Variants in IL33 observed in about 807,000 individuals in gnomAD.
The protein encoded by IL33 is interleukin 33, also known as interleukin-33.
IL33 carries 37 observed loss-of-function variants against 27.3 expected under a neutral mutation model. That is an observed-to-expected ratio of 1.36 (90% CI 1.04 to 1.78). The LOEUF (loss-of-function observed/expected upper bound fraction) is 1.78, where lower values mean the gene tolerates loss of function less well. Ranked by LOEUF, IL33 falls within the 40% of genes most tolerant of loss-of-function variation. The pLI is 0.00. For synonymous variants in IL33, 132 were observed against 102.9 expected (o/e 1.28, Z -1.71); for missense variants, 406 against 311.4 (o/e 1.30, Z -2.29).
At chr9:6,226,932 C>A (rs534377336) in intron 1 of IL33, among the ~76,000 whole-genome samples, 1 of 152,328 alleles carries the variant, frequency 6.6e-6, no homozygotes, top group East Asian at 1.9e-4. Context: ...CTGAGTTCTT[C>A]AAGATAAGAC....
intron 1 of IL33, among the ~76,000 whole-genome samples, chr9:6,228,114 G>T (rs1249293131): frequency 6.6e-6 from 1 of 152,174 alleles, no homozygotes; most frequent in African/African-American, 2.4e-5. Context: ...ACTTAGTACA[G>T]TTCTTGGCAC....
chr9:6,237,580 A>T (rs535123479), intron 1 of IL33, among the ~76,000 whole-genome samples: 1 of 152,310 alleles, frequency 6.6e-6, no homozygotes, highest in South Asian at 2.1e-4. Flanking sequence ...AAAGGTTATG[A>T]GATCAAATAA....
At chr9:6,254,431 A>C in intron 6 of IL33, 31 bp from the exon 7 acceptor site, 1 of 1,409,678 alleles carries the variant, frequency 7.1e-7, no homozygotes, top group Non-Finnish European at 9.7e-7. Flanking sequence ...ACAGTTCTTA[A>C]CTTTATCATT....
chr9:6,249,311 T>A (rs1168103023), intron 2 of IL33, among the ~76,000 whole-genome samples: 1 of 152,230 alleles, frequency 6.6e-6, no homozygotes, highest in South Asian at 2.1e-4. Context: ...TTTTTTTAAC[T>A]CATAAAATGA....
intron 1 of IL33, among the ~76,000 whole-genome samples, chr9:6,224,928 C>A (rs1818564688): frequency 6.6e-6 from 1 of 151,898 alleles, no homozygotes. Context: ...GATCTACTGA[C>A]TCAGGTATAT....
At position 6,241,769 on chromosome 9, in the gene IL33, G is replaced by A. The variant is rs750079169; in HGVS notation, c.75G>A (p.Leu25=). The A allele has an allele frequency of 5.6e-6, 9 of 1,610,356 alleles. No individual in the cohort carries two copies. In the South Asian group the frequency reaches 1.0e-4, roughly 18 times the overall value. Residue 25 remains leucine, a synonymous_variant, in exon 2 of 8, where the codon TTG becomes TTA. Coordinates refer to ENST00000682010, the MANE Select transcript of IL33 (RefSeq NM_033439.4). Reference sequence around the variant, plus strand: ...GGAAGAACACAGCAAGCAAAGCCTTGTGTTTCAAGCTGGGAAGTAAGGACT... The same window carrying A: ...GGAAGAACACAGCAAGCAAAGCCTTATGTTTCAAGCTGGGAAGTAAGGACT... ...AKWKNTASKA[L]CFKLGKSQQK...
In IL33 at chr9:6,252,962, T is replaced by C; in HGVS notation, c.440T>C (p.Val147Ala). ...ALEDESYEIY[V>A]EDLKKDEKKD... Reference sequence around the variant, plus strand: ...GAGGATGAAAGTTATGAGATATATGTTGAAGACTTGAAAAAAGATGAAAAG... The same window carrying C: ...GAGGATGAAAGTTATGAGATATATGCTGAAGACTTGAAAAAAGATGAAAAG... The change falls in exon 5 of 8, where the codon GTT (valine) becomes GCT (alanine). Residue 147 changes from valine (V) to alanine (A), a missense_variant. Physicochemically the swap from Val to Ala is moderately conservative, Grantham distance 64 (BLOSUM62 0). Transcript: ENST00000682010. 1 of 1,561,150 alleles carries C rather than the reference T, an allele frequency of 6.4e-7. No homozygotes were observed. Among genetic ancestry groups the C allele is most frequent in the Middle Eastern group, 1.7e-4 (1 of 5,846 alleles).
In IL33 at chr9:6,250,516, T is replaced by A. The variant is rs773578845; in HGVS notation, c.134T>A (p.Met45Lys). ...KAKEVCPMYF[M>K]KLRSGLMIKK... is the part of the protein sequence containing the mutation. ...AAAGAAGTTTGCCCCATGTACTTTA[T>A]GAAGCTCCGCTCTGGCCTTATGATA... is the stretch of plus-strand genomic sequence containing the variant. The change falls in exon 3 of 8, where the codon ATG (methionine) becomes AAG (lysine). Residue 45 changes from methionine (M) to lysine (K), a missense_variant. Met to Lys is a moderately conservative substitution (Grantham distance 95). Coordinates refer to ENST00000682010, the MANE Select transcript of IL33 (RefSeq NM_033439.4). The A allele has an allele frequency of 1.9e-6, 3 of 1,614,026 alleles. No homozygotes were observed. Among genetic ancestry groups the A allele is most frequent in the Non-Finnish European group, 2.5e-6 (3 of 1,179,936 alleles).
chr9:6,250,611 C>T lies in IL33; in HGVS notation c.217+12C>T, dbSNP rs371205152. 2.5e-5 allele frequency: 41 copies of T among 1,608,754 alleles called. No homozygotes were observed. Among genetic ancestry groups the T allele is most frequent in the Admixed American group, 3.4e-5 (2 of 58,534 alleles). ...TTCACTGAAAACAGGTAAGGGGAAC[C>T]GTACATTCTCTGGCAATAGTGATAA... is the stretch of plus-strand genomic sequence containing the variant. On this transcript the variant is annotated intron_variant, in intron 3 of 7. Coordinates refer to ENST00000682010, the MANE Select transcript of IL33 (RefSeq NM_033439.4).
intron 2 of IL33, among the ~76,000 whole-genome samples, chr9:6,248,324 A>G (rs1819998435): frequency 7.2e-6 from 1 of 138,040 alleles, no homozygotes; most frequent in African/African-American, 2.7e-5. Flanking sequence ...AGCTCACTGC[A>G]ACCTCCGGAG....
intron 1 of IL33, among the ~76,000 whole-genome samples, chr9:6,238,464 T>G (rs559799642): frequency 6.3e-4 from 96 of 152,282 alleles, no homozygotes; most frequent in African/African-American, 2.2e-3. Flanking sequence ...CACATGGGAC[T>G]GGATGTAAAT....
chr9:6,232,821 T>C (rs1256219324), intron 1 of IL33, among the ~76,000 whole-genome samples: 1 of 152,164 alleles, frequency 6.6e-6, no homozygotes, highest in Non-Finnish European at 1.5e-5. Context: ...CTTTGACTCT[T>C]TAACACTCCT....
intron 4 of IL33, 48 bp from the exon 5 acceptor site, chr9:6,252,818 G>C: frequency 6.3e-7 from 1 of 1,583,520 alleles, no homozygotes; most frequent in Non-Finnish European, 8.5e-7. Flanking sequence ...TTTTAAAAAG[G>C]TTGCCAAAAG....
At chr9:6,254,380 T>C in intron 6 of IL33, 82 bp from the exon 7 acceptor site, 1 of 849,670 alleles carries the variant, frequency 1.2e-6, no homozygotes, top group Non-Finnish European at 1.7e-6. Flanking sequence ...CATCTTAGAC[T>C]TTTTTCCTGG....
chr9:6,223,213 C>T (rs928486952), intron 1 of IL33, among the ~76,000 whole-genome samples: 4 of 151,844 alleles, frequency 2.6e-5, no homozygotes, highest in African/African-American at 9.7e-5. Context: ...ACTATTTGTC[C>T]CACAATGACT....
chr9:6,232,028 G>A (rs1003481812), intron 1 of IL33, among the ~76,000 whole-genome samples: 6 of 152,152 alleles, frequency 3.9e-5, no homozygotes, highest in African/African-American at 1.4e-4. Context: ...AATAAAAGAA[G>A]AAAGTCCAAC....
At chr9:6,221,392 C>T (rs1011606707) in intron 1 of IL33, among the ~76,000 whole-genome samples, 10 of 152,174 alleles carry the variant, frequency 6.6e-5, no homozygotes, top group Admixed American at 3.3e-4. Context: ...TAGGACCTGA[C>T]AGGTAATGCT....
At chr9:6,251,598 A>G (rs897545781) in intron 4 of IL33, among the ~76,000 whole-genome samples, 2 of 152,192 alleles carry the variant, frequency 1.3e-5, no homozygotes, top group Non-Finnish European at 2.9e-5. Flanking sequence ...TATTTTGACC[A>G]TGAAAGAAAA....
chr9:6,243,206 C>T (rs1819632345), intron 2 of IL33, among the ~76,000 whole-genome samples: 1 of 152,078 alleles, frequency 6.6e-6, no homozygotes, highest in Non-Finnish European at 1.5e-5. Context: ...ACAAATGATG[C>T]TCAAGTCTAT....
Sources: gnomAD v4.1 joint callset for allele counts (sites outside exome capture counted in the v4.1 genomes callset) on GRCh38, gnomAD v4.1.1 for gene constraint, MANE v1.5 for transcripts, NCBI Gene and HGNC (gene_info 2026-07-23, HGNC 2026-07-21) for gene names.